Variants in TAB2 observed in about 807,000 individuals in gnomAD.
The protein encoded by TAB2 is TGF-beta activated kinase 1 (MAP3K7) binding protein 2.
A neutral mutation model predicts 65.0 loss-of-function variants in TAB2; 3 were observed. That is an observed-to-expected ratio of 0.05 (90% CI 0.02 to 0.12). The LOEUF is 0.12. TAB2 is among the 10% of genes least tolerant of loss of function. TAB2 has a pLI of 1.00. For missense variants in TAB2, 623 were observed against 840.3 expected (o/e 0.74, Z 3.20); for synonymous variants, 298 against 285.1 (o/e 1.05, Z -0.46).
At chr6:149,251,611 T>C (rs1369636580) in intron 1 of TAB2, among the ~76,000 whole-genome samples, 4 of 152,220 alleles carry the variant, frequency 2.6e-5, no homozygotes, top group African/African-American at 9.6e-5. Flanking sequence ...AGTCTTTCCT[T>C]TCTGCCAACA....
rs773561341 is a variant in TAB2, at chr6:149,378,249, C to T, written c.334C>T (p.Leu112Phe). The T allele has an allele frequency of 1.2e-6, 2 of 1,614,222 alleles. No homozygotes were observed. The highest frequency in any genetic ancestry group is 3.3e-5 in the Admixed American group (2 of 60,030). Residue 112 changes from leucine to phenylalanine, a missense_variant, in exon 3 of 7, where the codon CTT becomes TTT. Physicochemically the swap from Leu to Phe is conservative, Grantham distance 22. Transcript: ENST00000637181. ...AACGCACAGCATTAGTGATGGACAACTTCAAGGTGGCCAGTCCAATAGTGA... is the reference window on the plus strand; with the variant it reads ...AACGCACAGCATTAGTGATGGACAATTTCAAGGTGGCCAGTCCAATAGTGA... ...TLTHSISDGQ[L>F]QGGQSNSELF...
intron 1 of TAB2, among the ~76,000 whole-genome samples, chr6:149,292,196 T>A (rs1401492759): frequency 6.6e-6 from 1 of 152,202 alleles, no homozygotes; most frequent in Non-Finnish European, 1.5e-5. Context: ...GCAGATTGAT[T>A]CACTAGACAG....
intron 3 of TAB2, among the ~76,000 whole-genome samples, chr6:149,390,746 A>G (rs1306177810): frequency 6.6e-6 from 1 of 152,226 alleles, no homozygotes; most frequent in Non-Finnish European, 1.5e-5. Flanking sequence ...GCATGCTTAA[A>G]TTACCTTTAT....
intron 1 of TAB2, among the ~76,000 whole-genome samples, chr6:149,359,490 C>A (rs1332853394): frequency 6.6e-6 from 1 of 152,158 alleles, no homozygotes; most frequent in African/African-American, 2.4e-5. Context: ...TTCTATGTGG[C>A]AATGGATAGA....
At chr6:149,262,786 C>G (rs981969333) in intron 1 of TAB2, among the ~76,000 whole-genome samples, 3 of 152,044 alleles carry the variant, frequency 2.0e-5, no homozygotes, top group African/African-American at 7.2e-5. Context: ...ATTCTCTTAA[C>G]TCCTTTTTTT....
At chr6:149,253,265 T>C (rs1777897031) in intron 1 of TAB2, 1 of 152,234 alleles carries the variant, frequency 6.6e-6, no homozygotes, top group South Asian at 2.1e-4. Context: ...ATTTCTTTCT[T>C]TTATGTGATA....
intron 1 of TAB2, among the ~76,000 whole-genome samples, chr6:149,230,331 A>G (rs1777377205): frequency 6.6e-6 from 1 of 152,156 alleles, no homozygotes; most frequent in Admixed American, 6.5e-5. Context: ...GAAGTGATGA[A>G]CTTCCCTCTG....
At chr6:149,282,850 T>C (rs1321914244) in intron 1 of TAB2, among the ~76,000 whole-genome samples, 1 of 152,230 alleles carries the variant, frequency 6.6e-6, no homozygotes, top group Non-Finnish European at 1.5e-5. Flanking sequence ...AAGCAGCTCT[T>C]ATTATCTTCA....
chr6:149,270,787 T>A (rs9485365), intron 1 of TAB2, among the ~76,000 whole-genome samples: 2,974 of 152,310 alleles, frequency 0.02, 98 homozygotes, highest in African/African-American at 0.068. Flanking sequence ...CATGGTCAAC[T>A]CGCCCAGCTT....
At chr6:149,360,680 C>T (rs1780815700) in intron 1 of TAB2, among the ~76,000 whole-genome samples, 2 of 152,172 alleles carry the variant, frequency 1.3e-5, no homozygotes, top group African/African-American at 4.8e-5. Flanking sequence ...ATAATCATTC[C>T]TTCCTAATAG....
At chr6:149,234,216 CTGATAAAATCTTGGCTTCCCCTGCTGACA>C (rs1286479607) in intron 1 of TAB2, among the ~76,000 whole-genome samples, 2 of 152,180 alleles carry the variant, frequency 1.3e-5, no homozygotes, top group African/African-American at 4.8e-5. Context: ...AGCAGACTAT[CTGATAAAATCTTGGCTTCCCCTGCTGACA>C]TGTGCAGACT....
chr6:149,244,997 C>T (rs1777681361), intron 1 of TAB2: 1 of 152,154 alleles, frequency 6.6e-6, no homozygotes, highest in African/African-American at 2.4e-5. Context: ...AGTGCTATCC[C>T]CATTTCATGA....
At chr6:149,344,106 G>A (rs150169763) in intron 1 of TAB2, among the ~76,000 whole-genome samples, 233 of 152,312 alleles carry the variant, frequency 1.5e-3, no homozygotes, top group African/African-American at 5.4e-3. Context: ...TTTGTTTGGT[G>A]TTTAAAGAAT....
In TAB2 at chr6:149,330,453, C is replaced by G. The variant is rs564986280; in HGVS notation, c.-90+12438C>G. On this transcript the variant is annotated intron_variant, in intron 1 of 6. Coordinates refer to ENST00000637181, the MANE Select transcript of TAB2 (RefSeq NM_001292034.3). ...TACAGTTTCTCTGCATCCTCTCCAG[C>G]ATTAGTATTGTCAGTATTTCTTATT... Among the ~76,000 whole-genome samples the G allele has an allele frequency of 7.9e-5, 12 of 152,290 alleles. No individual in the cohort carries two copies. The South Asian group carries it at 2.3e-3, about 29-fold the overall frequency.
chr6:149,383,269 T>C (rs1345772124), intron 3 of TAB2, among the ~76,000 whole-genome samples: 3 of 152,094 alleles, frequency 2.0e-5, no homozygotes, highest in African/African-American at 7.2e-5. Context: ...TAAAAAAACT[T>C]TCTGATGAGA....
At chr6:149,403,283 TACACACAC>T (rs1165709961) in intron 6 of TAB2, among the ~76,000 whole-genome samples, 17 of 24,586 alleles carry the variant, frequency 6.9e-4, no homozygotes, top group African/African-American at 2.7e-3. Context: ...TATATATATA[TACACACAC>T]ACACATATAT....
chr6:149,225,832 C>T (rs570995655), intron 1 of TAB2, among the ~76,000 whole-genome samples: 24 of 151,970 alleles, frequency 1.6e-4, no homozygotes, highest in African/African-American at 5.6e-4. Flanking sequence ...AAATAACAGA[C>T]TAAAACATTT....
chr6:149,225,755 C>T (rs1777259357), intron 1 of TAB2, among the ~76,000 whole-genome samples: 1 of 152,082 alleles, frequency 6.6e-6, no homozygotes, highest in South Asian at 2.1e-4. Flanking sequence ...AGCCATTCTT[C>T]CTGCTGGAGG....
chr6:149,325,077 C>T (rs1779561135), intron 1 of TAB2, among the ~76,000 whole-genome samples: 1 of 152,118 alleles, frequency 6.6e-6, no homozygotes, highest in Non-Finnish European at 1.5e-5. Context: ...TCAGCCCCCA[C>T]CTCTTTAACT....
Sources: gnomAD v4.1 joint callset for allele counts (sites outside exome capture counted in the v4.1 genomes callset) on GRCh38, gnomAD v4.1.1 for gene constraint, MANE v1.5 for transcripts, NCBI Gene and HGNC (gene_info 2026-07-23, HGNC 2026-07-21) for gene names.